Variants in IL1RAPL2 observed in about 807,000 individuals in gnomAD.
The protein encoded by IL1RAPL2 is interleukin 1 receptor accessory protein like 2, also known as X-linked interleukin-1 receptor accessory protein-like 2.
In IL1RAPL2, 3 loss-of-function variants were observed where a neutral mutation model predicts 44.1. The ratio of observed to expected loss-of-function variants is 0.07; its 90% CI spans 0.03 to 0.18. The LOEUF is 0.18. Ranked by LOEUF, IL1RAPL2 falls within the 10% of genes least tolerant of loss-of-function variation. The pLI, the probability that IL1RAPL2 is intolerant of heterozygous loss-of-function variation, is 1.00. For synonymous variants in IL1RAPL2, 181 were observed against 178.8 expected (o/e 1.01, Z -0.10); for missense variants, 391 against 496.4 (o/e 0.79, Z 2.02).
chrX:104,962,821 C>T (rs2030034146), intron 2 of IL1RAPL2, among the ~76,000 whole-genome samples: 1 of 111,997 alleles, frequency 8.9e-6, no homozygotes, highest in African/African-American at 3.2e-5. Flanking sequence ...AATTCACTCA[C>T]CTTCTCTGGG....
intron 3 of IL1RAPL2, among the ~76,000 whole-genome samples, chrX:105,201,944 T>A (rs2033720942): frequency 8.9e-6 from 1 of 111,926 alleles, no homozygotes; most frequent in South Asian, 3.8e-4. Flanking sequence ...ATGTAATTAG[T>A]TATTTTTCTA....
At chrX:105,040,286 T>C (rs1038827334) in intron 2 of IL1RAPL2, among the ~76,000 whole-genome samples, 1 of 111,626 alleles carries the variant, frequency 9.0e-6, no homozygotes, top group Admixed American at 9.5e-5. Flanking sequence ...GGATTGCCAG[T>C]ATTTTACTGA....
At chrX:104,620,410 C>T (rs900922107) in intron 1 of IL1RAPL2, among the ~76,000 whole-genome samples, 2 of 107,593 alleles carry the variant, frequency 1.9e-5, no homozygotes, top group Non-Finnish European at 3.8e-5. Context: ...GAGGCCGAGG[C>T]GGGCGGATCA....
At chrX:105,146,802 G>C (rs1007778764) in intron 2 of IL1RAPL2, among the ~76,000 whole-genome samples, 1 of 111,215 alleles carries the variant, frequency 9.0e-6, no homozygotes, top group Non-Finnish European at 1.9e-5. Context: ...AACAGGTAAG[G>C]GTTTTTAAAG....
chrX:105,072,931 C>A (rs1302633617), intron 2 of IL1RAPL2, among the ~76,000 whole-genome samples: 4 of 110,603 alleles, frequency 3.6e-5, no homozygotes, highest in Non-Finnish European at 7.6e-5. Context: ...TTGTTGTTTG[C>A]TGAGAATGAT....
chrX:104,666,318 T>G (rs989131111), intron 2 of IL1RAPL2, among the ~76,000 whole-genome samples: 6 of 112,189 alleles, frequency 5.3e-5, no homozygotes, highest in East Asian at 2.8e-4. Context: ...ATGACACTGG[T>G]TCTCTTTAAA....
At chrX:104,628,086 ATG>A (rs1929553651) in intron 1 of IL1RAPL2, among the ~76,000 whole-genome samples, 1 of 111,612 alleles carries the variant, frequency 9.0e-6, no homozygotes, top group Non-Finnish European at 1.9e-5. Context: ...TTACATATGT[ATG>A]GGGTACATGT....
At chrX:104,835,156 T>A (rs1372647739) in intron 2 of IL1RAPL2, among the ~76,000 whole-genome samples, 6 of 111,825 alleles carry the variant, frequency 5.4e-5, no homozygotes, top group African/African-American at 1.9e-4. Context: ...TTTTAACAAA[T>A]CTATTGTTTT....
At chrX:104,677,436 A>T (rs1930793890) in intron 2 of IL1RAPL2, among the ~76,000 whole-genome samples, 1 of 111,221 alleles carries the variant, frequency 9.0e-6, no homozygotes, top group Non-Finnish European at 1.9e-5. Flanking sequence ...GACCCACTTG[A>T]GGAGGCAGTC....
chrX:105,552,251 G>T (rs1028334750), intron 6 of IL1RAPL2, among the ~76,000 whole-genome samples: 18 of 111,882 alleles, frequency 1.6e-4, no homozygotes, highest in African/African-American at 5.9e-4. Context: ...AAAGATAGTA[G>T]ATTCTAGTTT....
At chrX:104,746,640 G>T (rs752503545) in intron 2 of IL1RAPL2, among the ~76,000 whole-genome samples, 9 of 111,028 alleles carry the variant, frequency 8.1e-5, no homozygotes, top group Admixed American at 1.9e-4. Flanking sequence ...TCTGAATATT[G>T]TTCTTTAAAA....
intron 3 of IL1RAPL2, among the ~76,000 whole-genome samples, chrX:105,211,696 C>T (rs782745569): frequency 6.0e-4 from 67 of 111,186 alleles, no homozygotes; most frequent in African/African-American, 2.2e-3. Context: ...CCAAGATGAC[C>T]GAATAGGAAC....
chrX:104,705,068 G>T (rs1334294203), intron 2 of IL1RAPL2, among the ~76,000 whole-genome samples: 3 of 111,644 alleles, frequency 2.7e-5, no homozygotes, highest in African/African-American at 9.8e-5. Flanking sequence ...AAGGTATGCT[G>T]GGAGGTGACC....
chrX:105,427,978 A>G (rs746229732), intron 5 of IL1RAPL2, among the ~76,000 whole-genome samples: 6 of 112,201 alleles, frequency 5.3e-5, no homozygotes, highest in East Asian at 2.8e-4. Flanking sequence ...TTGAATATAT[A>G]CAAATTCAAA....
chrX:104,631,811 A>G (rs373173770), intron 1 of IL1RAPL2, among the ~76,000 whole-genome samples: 36 of 110,060 alleles, frequency 3.3e-4, no homozygotes, highest in African/African-American at 7.9e-4. Flanking sequence ...CTCTGATGGT[A>G]GTTTCTTTTG....
chrX:104,928,765 G>C (rs1421177123), intron 2 of IL1RAPL2, among the ~76,000 whole-genome samples: 2 of 111,244 alleles, frequency 1.8e-5, no homozygotes, highest in Non-Finnish European at 3.8e-5. Context: ...CGTAGAATAA[G>C]AAAGGCTTGT....
At chrX:104,900,114 C>G (rs1406092032) in intron 2 of IL1RAPL2, among the ~76,000 whole-genome samples, 1 of 111,856 alleles carries the variant, frequency 8.9e-6, no homozygotes, top group African/African-American at 3.2e-5. Flanking sequence ...TCCTCATCTG[C>G]TAGGTGATAT....
chrX:104,658,883 T>A lies in IL1RAPL2; in HGVS notation c.-19-12T>A. The A allele has an allele frequency of 1.8e-6, 2 of 1,124,083 alleles. No individual in the cohort carries two copies. Among genetic ancestry groups the A allele is most frequent in the Non-Finnish European group, 2.4e-6 (2 of 818,503 alleles). 92.6% of individuals were successfully genotyped at this position (1,124,083 alleles called of 1,213,427 possible). On this transcript the variant is annotated splice_polypyrimidine_tract_variant and intron_variant, in intron 1 of 10. Transcript: ENST00000372582. ...TGGTTCAAACTTTATATCCTTTTTTTTGACTTTTCAGCTGTCAAGAAAAGT... is the reference window on the plus strand; with the variant it reads ...TGGTTCAAACTTTATATCCTTTTTTATGACTTTTCAGCTGTCAAGAAAAGT...
intron 2 of IL1RAPL2, among the ~76,000 whole-genome samples, chrX:104,914,661 AC>A (rs1369739757): frequency 9.0e-6 from 1 of 110,557 alleles, no homozygotes; most frequent in Non-Finnish European, 1.9e-5. Flanking sequence ...GGTGTGCTGC[AC>A]CCATTAAGTC....
Sources: allele counts gnomAD v4.1 joint callset (sites outside exome capture counted in the v4.1 genomes callset), GRCh38; gene constraint gnomAD v4.1.1; transcripts MANE v1.5; gene names NCBI Gene and HGNC (gene_info 2026-07-23, HGNC 2026-07-21).